NCSTN: variants seen among roughly 807,000 people sequenced by gnomAD.
NCSTN encodes nicastrin, also known as anterior pharynx-defective 2.
A neutral mutation model predicts 87.0 loss-of-function variants in NCSTN; 22 were observed. That is an observed-to-expected ratio of 0.25 (90% CI 0.18 to 0.36). The LOEUF is 0.36. Ranked by LOEUF, NCSTN falls within the 10% of genes least tolerant of loss-of-function variation. NCSTN has a pLI of 1.00. For synonymous variants in NCSTN, 306 were observed against 327.1 expected (o/e 0.94, Z 0.69); for missense variants, 693 against 883.3 (o/e 0.78, Z 2.73).
intron 14 of NCSTN, 26 bp from the exon 15 acceptor site, chr1:160,356,574 T>A (rs1475545698): frequency 3.1e-6 from 5 of 1,613,954 alleles, no homozygotes; most frequent in South Asian, 2.2e-5. Flanking sequence ...CCACCAAATC[T>A]TCCCTTCCCT....
At chr1:160,348,301 T>G (rs1229904162) in intron 2 of NCSTN, among the ~76,000 whole-genome samples, 1 of 152,244 alleles carries the variant, frequency 6.6e-6, no homozygotes. Flanking sequence ...AAATGTTATT[T>G]GTATAGCATC....
intron 4 of NCSTN, 35 bp from the exon 5 acceptor site, chr1:160,350,070 T>C: frequency 6.2e-7 from 1 of 1,610,590 alleles, no homozygotes; most frequent in Non-Finnish European, 8.5e-7. Context: ...GGTGTCCCAG[T>C]AACCAGTCCC....
Position 160,356,829 on chromosome 1 carries a change from G to A in NCSTN, c.1794+75G>A, listed in dbSNP as rs999665238. The A allele has an allele frequency of 1.3e-5, 21 of 1,580,170 alleles. No homozygotes were observed. The Admixed American group carries it at 3.2e-4, about 24-fold the overall frequency. On this transcript the variant is annotated intron_variant, in intron 15 of 16. Transcript: ENST00000294785. ...AAAGTTGGAGGTTCTTCTAGACCTA[G>A]TTAGACCCAGGGGATTGGGATGGAG...
Position 160,347,903 on chromosome 1 carries a change from T to C in NCSTN, c.191-1096T>C, listed in dbSNP as rs192692617. The stretch of plus-strand genomic sequence containing the variant: ...TACTGGGATTACAGGCATGAGCCAC[T>C]GTGCCCGGCCGAAGTTATATATGTT... On this transcript the variant is annotated intron_variant, in intron 2 of 16. Transcript: ENST00000294785. Among the ~76,000 whole-genome samples the C allele has an allele frequency of 8.9e-3, 1,360 of 152,190 alleles. 20 individuals carry two copies. The highest frequency in any genetic ancestry group is 9.8e-3 in the South Asian group (47 of 4,798).
In NCSTN at chr1:160,353,243, C is replaced by G. The variant is rs1447007182; in HGVS notation, c.1179+6C>G. ...ATGAGTCTGTACGGAACCAGGTAAC[C>G]TGAGCATCTCCCCTCATTTCCTATT... On this transcript the variant is annotated splice_donor_region_variant and intron_variant, in intron 10 of 16. Transcript: ENST00000294785. The G allele has an allele frequency of 2.5e-6, 4 of 1,614,118 alleles. No homozygotes were observed. The highest frequency in any genetic ancestry group is 8.5e-7 in the Non-Finnish European group (1 of 1,180,010).
chr1:160,356,791 C>T lies in NCSTN; in HGVS notation c.1794+37C>T, dbSNP rs757369860. 17 of 1,613,140 alleles carry T rather than the reference C, an allele frequency of 1.1e-5. No homozygotes were observed. The East Asian group carries it at 3.6e-4, about 34-fold the overall frequency. On this transcript the variant is annotated intron_variant, in intron 15 of 16. Coordinates refer to ENST00000294785, the MANE Select transcript of NCSTN (RefSeq NM_015331.3). ...TGGGTGTTGGAAGTGCCCTGGGGCC[C>T]CTTTCCCTTGGGAAAGTTGGAGGTT... is the stretch of plus-strand genomic sequence containing the variant.
At chr1:160,346,918 T>C (rs16831840) in intron 2 of NCSTN, among the ~76,000 whole-genome samples, 16,188 of 152,242 alleles carry the variant, frequency 0.11, 1,408 homozygotes, top group African/African-American at 0.24. Context: ...TGGACTTAGT[T>C]TCTGAACTGG....
intron 4 of NCSTN, 128 bp from the exon 5 acceptor site, chr1:160,349,977 T>C: frequency 8.5e-7 from 1 of 1,179,510 alleles, no homozygotes; most frequent in Non-Finnish European, 1.3e-6. Flanking sequence ...ACTTCATGCC[T>C]ACTTCTTTGA....
chr1:160,356,110 A>C, intron 13 of NCSTN, 150 bp from the exon 14 acceptor site: 1 of 1,008,530 alleles, frequency 9.9e-7, no homozygotes, highest in Non-Finnish European at 1.5e-6. Flanking sequence ...GGTGGGCCTC[A>C]TCTGCATCTT....
chr1:160,352,771 G>T lies in NCSTN; in HGVS notation c.997-116G>T, dbSNP rs952917810. 321 of 800,116 alleles carry T rather than the reference G, an allele frequency of 4.0e-4. 2 individuals carry two copies. The highest frequency in any genetic ancestry group is 6.6e-5 in the Non-Finnish European group (30 of 457,964). 49.6% of individuals were successfully genotyped at this position (800,116 alleles called of 1,614,324 possible). A position where few individuals can be genotyped will look rare whatever the true frequency, so the allele number is the denominator to read the frequency against. ...TCACATGACTGTAAGCTGACTAGCAGTTGAGGTGACCTGAGATAGTCGTCT... is the reference window on the plus strand; with the variant it reads ...TCACATGACTGTAAGCTGACTAGCATTTGAGGTGACCTGAGATAGTCGTCT... On this transcript the variant is annotated intron_variant, in intron 8 of 16. Transcript: ENST00000294785.
intron 16 of NCSTN, 36 bp downstream of exon 16, chr1:160,357,289 G>A (rs755633158): frequency 6.4e-7 from 1 of 1,562,622 alleles, no homozygotes; most frequent in South Asian, 1.1e-5. Flanking sequence ...GCAGGGATCT[G>A]TTTGACTTCT....
intron 10 of NCSTN, 191 bp downstream of exon 10, chr1:160,353,428 C>T (rs966191381): frequency 2.7e-6 from 4 of 1,484,228 alleles, no homozygotes; most frequent in Admixed American, 2.2e-5. Context: ...CAGTGACATT[C>T]CATTGGTTCC....
At position 160,358,785 on chromosome 1, in the gene NCSTN, GCA is replaced by G. The variant is rs141849450; in HGVS notation, c.*517_*518del. Reference sequence around the variant, plus strand: ...TGTCCTTTCTCCAGGCCCTCAGATGGCACATTAGGGTGGGCGTGCTGCGGGTG... The same window carrying G: ...TGTCCTTTCTCCAGGCCCTCAGATGGCATTAGGGTGGGCGTGCTGCGGGTG... On this transcript the variant is annotated 3_prime_UTR_variant, in exon 17 of 17. Coordinates refer to ENST00000294785, the MANE Select transcript of NCSTN (RefSeq NM_015331.3). The G allele has an allele frequency of 0.014, 2,316 of 171,468 alleles. 141 individuals carry two copies. The highest frequency in any genetic ancestry group is 0.1 in the Admixed American group (1,862 of 17,996). 10.6% of individuals were successfully genotyped at this position (171,468 alleles called of 1,614,324 possible).
At chr1:160,349,766 T>A (rs1648736262) in intron 4 of NCSTN, 96 bp downstream of exon 4, 1 of 1,526,538 alleles carries the variant, frequency 6.6e-7, no homozygotes, top group African/African-American at 1.4e-5. Flanking sequence ...TGTGTTTGTG[T>A]CTGTGTGTAG....
rs1649252910 is a variant in NCSTN, at chr1:160,358,637, AC to A, written c.*370del. 2.7e-5 allele frequency: 9 copies of A among 329,226 alleles called. No homozygotes were observed. The highest frequency in any genetic ancestry group is 1.1e-3 in the Middle Eastern group (1 of 940). 20.4% of individuals were successfully genotyped at this position (329,226 alleles called of 1,614,324 possible). A position where few individuals can be genotyped will look rare whatever the true frequency, so the allele number is the denominator to read the frequency against. Reference sequence around the variant, plus strand: ...GTACCTCTCTCTGCTCCTCACCCCCACCCCTGTACCCAGCCACCTTCCTGAC... The same window carrying A: ...GTACCTCTCTCTGCTCCTCACCCCCACCCTGTACCCAGCCACCTTCCTGAC... On this transcript the variant is annotated 3_prime_UTR_variant, in exon 17 of 17. Transcript: ENST00000294785.
At chr1:160,353,892 A>G (rs1034206201) in intron 10 of NCSTN, among the ~76,000 whole-genome samples, 1 of 152,094 alleles carries the variant, frequency 6.6e-6, no homozygotes, top group Non-Finnish European at 1.5e-5. Flanking sequence ...ATGAAAAAAA[A>G]GGTCTCTTCT....
intron 1 of NCSTN, 60 bp downstream of exon 1, chr1:160,343,541 C>A: frequency 6.8e-7 from 1 of 1,477,294 alleles, no homozygotes; most frequent in South Asian, 1.2e-5. Context: ...TCGGCCCCGC[C>A]GCGACCGCCA....
intron 14 of NCSTN, 59 bp downstream of exon 14, chr1:160,356,406 T>C: frequency 6.6e-7 from 1 of 1,505,540 alleles, no homozygotes; most frequent in East Asian, 2.3e-5. Context: ...AGAAAAAGTC[T>C]TTTGGTTTAA....
chr1:160,351,944 G>A (rs773294945), intron 7 of NCSTN, 110 bp from the exon 8 acceptor site: 1 of 1,508,706 alleles, frequency 6.6e-7, no homozygotes, highest in South Asian at 1.1e-5. Context: ...GGACTCCTGG[G>A]TTGTCTCCAT....
Sources: allele counts gnomAD v4.1 joint callset (sites outside exome capture counted in the v4.1 genomes callset), GRCh38; gene constraint gnomAD v4.1.1; transcripts MANE v1.5; gene names NCBI Gene and HGNC (gene_info 2026-07-23, HGNC 2026-07-21).